The following PSMD11 variants were observed in gnomAD, a reference collection of about 807,000 sequenced individuals.
The protein encoded by PSMD11 is proteasome 26S subunit, non-ATPase 11, also known as 26S proteasome non-ATPase regulatory subunit 11.
A neutral mutation model predicts 62.3 loss-of-function variants in PSMD11; 5 were observed. That is an observed-to-expected ratio of 0.08 (90% CI 0.04 to 0.17). The LOEUF is 0.17. Ranked by LOEUF, PSMD11 falls within the 10% of genes least tolerant of loss-of-function variation. PSMD11 has a pLI of 1.00. For synonymous variants in PSMD11, 191 were observed against 191.8 expected (o/e 1.00, Z 0.03); for missense variants, 310 against 512.9 (o/e 0.60, Z 3.82).
At chr17:32,444,862 G>T (rs1907280653) in intron 1 of PSMD11, 2 of 551,578 alleles carry the variant, frequency 3.6e-6, no homozygotes, top group East Asian at 3.3e-5. Context: ...TCAGCGTAGG[G>T]TGGGAGAGTG....
At chr17:32,475,846 A>G (rs1010633089) in intron 8 of PSMD11, among the ~76,000 whole-genome samples, 4 of 151,024 alleles carry the variant, frequency 2.6e-5, no homozygotes, top group East Asian at 2.0e-4. Context: ...GCCCACCTCA[A>G]CCTCCAAAAG....
In PSMD11 at chr17:32,480,418, G is replaced by A. The variant is rs1296389974; in HGVS notation, c.1127-71G>A. On this transcript the variant is annotated intron_variant, in intron 12 of 13. Coordinates refer to ENST00000261712, the MANE Select transcript of PSMD11 (RefSeq NM_002815.4). ...CTGGACACAGTGAGTCAACTAGGGA[G>A]TGGGCTGCTTCACAAACACTTTTGT... The A allele has an allele frequency of 5.1e-6, 8 of 1,573,240 alleles. No homozygotes were observed. The Admixed American group carries it at 6.7e-5, about 13-fold the overall frequency.
intron 6 of PSMD11, among the ~76,000 whole-genome samples, chr17:32,470,185 TG>T (rs1908123327): frequency 6.6e-6 from 1 of 151,946 alleles, no homozygotes; most frequent in Non-Finnish European, 1.5e-5. Context: ...GCTAACTTTT[TG>T]TAGAGATAGG....
intron 3 of PSMD11, among the ~76,000 whole-genome samples, chr17:32,463,198 C>T (rs1408126567): frequency 6.6e-6 from 1 of 152,190 alleles, no homozygotes; most frequent in Non-Finnish European, 1.5e-5. Context: ...TACCTGATGG[C>T]GTGCTAGACT....
chr17:32,464,198 A>C lies in PSMD11; in HGVS notation c.390+78A>C, dbSNP rs1351413086. Reference sequence around the variant, plus strand: ...GAATGTAAGCAGTACCATCCTTATCAAAAGTATCTTCAGCAACTTTGTAAT... The same window carrying C: ...GAATGTAAGCAGTACCATCCTTATCCAAAGTATCTTCAGCAACTTTGTAAT... On this transcript the variant is annotated intron_variant, in intron 4 of 13. Coordinates refer to ENST00000261712, the MANE Select transcript of PSMD11 (RefSeq NM_002815.4). 3.0e-6 allele frequency: 4 copies of C among 1,333,118 alleles called. No individual in the cohort carries two copies. The East Asian group carries it at 6.9e-5, about 23-fold the overall frequency. 82.6% of individuals were successfully genotyped at this position (1,333,118 alleles called of 1,614,324 possible). A position where few individuals can be genotyped will look rare whatever the true frequency, so the allele number is the denominator to read the frequency against.
At chr17:32,468,254 T>C (rs1256507719) in intron 5 of PSMD11, among the ~76,000 whole-genome samples, 1 of 152,096 alleles carries the variant, frequency 6.6e-6, no homozygotes, top group Non-Finnish European at 1.5e-5. Context: ...ACCAGATACA[T>C]GATTTGCAAT....
chr17:32,449,030 C>T (rs1019276048), intron 2 of PSMD11, among the ~76,000 whole-genome samples: 1 of 152,154 alleles, frequency 6.6e-6, no homozygotes, highest in African/African-American at 2.4e-5. Context: ...GGTTCCAAAA[C>T]AGTTTTGATA....
intron 3 of PSMD11, 111 bp downstream of exon 3, chr17:32,454,730 A>T: frequency 8.6e-7 from 1 of 1,156,416 alleles, no homozygotes; most frequent in Non-Finnish European, 1.2e-6. Flanking sequence ...CTGGGAGGAC[A>T]GCGCAGGACT....
At position 32,481,517 on chromosome 17, in the gene PSMD11, TTTTA is replaced by T. The variant is rs1392828740; in HGVS notation, c.*766_*769del. The T allele has an allele frequency of 1.3e-5, 2 of 152,246 alleles. No homozygotes were observed. The highest frequency in any genetic ancestry group is 2.9e-5 in the Non-Finnish European group (2 of 68,100). The allele number at this position is 152,246 out of a possible 1,614,324, so 9.4% of individuals were successfully genotyped here. A position where few individuals can be genotyped will look rare whatever the true frequency, so the allele number is the denominator to read the frequency against. Reference sequence around the variant, plus strand: ...GCTATGCATGTGGCTTTTTTTTTTTTTTTAAACACAGTAAACTAGATTAGTCGTC... The same window carrying T: ...GCTATGCATGTGGCTTTTTTTTTTTTAACACAGTAAACTAGATTAGTCGTC... On this transcript the variant is annotated 3_prime_UTR_variant, in exon 14 of 14. Transcript: ENST00000261712.
intron 5 of PSMD11, among the ~76,000 whole-genome samples, chr17:32,464,937 A>G (rs767247497): frequency 3.4e-4 from 51 of 152,148 alleles, no homozygotes; most frequent in Admixed American, 1.5e-3. Context: ...TGTTTGGCTT[A>G]CTGTCCTATT....
chr17:32,462,837 C>T (rs955694592), intron 3 of PSMD11, among the ~76,000 whole-genome samples: 3 of 152,162 alleles, frequency 2.0e-5, no homozygotes, highest in Non-Finnish European at 4.4e-5. Flanking sequence ...CGATCATGAG[C>T]CACCATACCT....
At chr17:32,476,083 G>A (rs1379126541) in intron 8 of PSMD11, among the ~76,000 whole-genome samples, 1 of 151,920 alleles carries the variant, frequency 6.6e-6, no homozygotes, top group Non-Finnish European at 1.5e-5. Flanking sequence ...GGCCAATGTG[G>A]CAAAATCCCA....
intron 9 of PSMD11, chr17:32,477,870 A>T (rs909673362): frequency 1.8e-5 from 4 of 220,598 alleles, no homozygotes; most frequent in African/African-American, 9.2e-5. Flanking sequence ...CCTATTTATT[A>T]TCTGCATTTT....
chr17:32,480,060 C>T (rs1450451823), intron 11 of PSMD11, 86 bp from the exon 12 acceptor site: 1 of 1,533,408 alleles, frequency 6.5e-7, no homozygotes, highest in Non-Finnish European at 9.0e-7. Flanking sequence ...TCCATTTGGC[C>T]TAAGACCCCT....
chr17:32,459,386 T>TTTTG (rs532214174), intron 3 of PSMD11, among the ~76,000 whole-genome samples: 38 of 151,596 alleles, frequency 2.5e-4, no homozygotes, highest in South Asian at 8.3e-4. Context: ...GCCTGGCTAA[T>TTTTG]TTTGTTTGTT....
chr17:32,463,241 C>G (rs1463965968), intron 3 of PSMD11: 1 of 152,224 alleles, frequency 6.6e-6, no homozygotes, highest in African/African-American at 2.4e-5. Flanking sequence ...AAGTCAGTTA[C>G]TTTGCACCTT....
chr17:32,479,495 A>G, intron 10 of PSMD11, 119 bp downstream of exon 10: 2 of 1,379,986 alleles, frequency 1.4e-6, no homozygotes, highest in Non-Finnish European at 9.9e-7. Flanking sequence ...GCAAGAGGCC[A>G]CCAAGAGCTT....
intron 5 of PSMD11, among the ~76,000 whole-genome samples, chr17:32,467,945 T>C (rs192148720): frequency 4.3e-4 from 66 of 152,344 alleles, no homozygotes; most frequent in African/African-American, 1.5e-3. Flanking sequence ...TTTTTCTTGA[T>C]CCTTTTCCTC....
At chr17:32,473,222 A>G (rs1004537407) in intron 6 of PSMD11, among the ~76,000 whole-genome samples, 1 of 151,438 alleles carries the variant, frequency 6.6e-6, no homozygotes, top group Non-Finnish European at 1.5e-5. Flanking sequence ...GGCTCAAGCT[A>G]TCCTCCTGCC....
Sources: allele counts gnomAD v4.1 joint callset (sites outside exome capture counted in the v4.1 genomes callset), GRCh38; gene constraint gnomAD v4.1.1; transcripts MANE v1.5; gene names NCBI Gene and HGNC (gene_info 2026-07-23, HGNC 2026-07-21).